The following ARHGDIB variants were observed in gnomAD, a reference collection of about 807,000 sequenced individuals.
ARHGDIB encodes Rho GDP dissociation inhibitor beta.
In ARHGDIB, 20 loss-of-function variants were observed where a neutral mutation model predicts 22.6. That is an observed-to-expected ratio of 0.88 (90% confidence interval 0.62 to 1.28). ARHGDIB has a LOEUF of 1.28. Ranked by LOEUF, ARHGDIB falls within the 50% of genes most tolerant of loss-of-function variation. The pLI, the probability that ARHGDIB is intolerant of heterozygous loss-of-function variation, is 0.00. For synonymous variants in ARHGDIB, 114 were observed against 96.1 expected (o/e 1.19, Z -1.09); for missense variants, 254 against 245.4 (o/e 1.04, Z -0.23).
chr12:14,946,700 CT>C (rs750114646), intron 4 of ARHGDIB, among the ~76,000 whole-genome samples: 20 of 152,340 alleles, frequency 1.3e-4, no homozygotes, highest in Non-Finnish European at 2.6e-4. Flanking sequence ...GGAGAAGCCC[CT>C]GTTCCAGAGC....
At chr12:14,949,574 A>G (rs534184674) in intron 3 of ARHGDIB, among the ~76,000 whole-genome samples, 79 of 152,344 alleles carry the variant, frequency 5.2e-4, no homozygotes, top group African/African-American at 1.9e-3. Context: ...CTGTAAATAT[A>G]TCAAATGTGT....
chr12:14,958,940 C>T (rs1208401082), intron 1 of ARHGDIB, among the ~76,000 whole-genome samples: 1 of 152,104 alleles, frequency 6.6e-6, no homozygotes. Flanking sequence ...TACAGGATCC[C>T]GGGCAGCAAT....
At chr12:14,961,177 T>A (rs1864404111) in intron 1 of ARHGDIB, 1 of 152,332 alleles carries the variant, frequency 6.6e-6, no homozygotes, top group Admixed American at 6.5e-5. Context: ...ATCTACAGTC[T>A]TTTTCTTCCA....
At chr12:14,957,048 G>A (rs543469074) in intron 1 of ARHGDIB, among the ~76,000 whole-genome samples, 1 of 152,282 alleles carries the variant, frequency 6.6e-6, no homozygotes, top group Admixed American at 6.5e-5. Context: ...TAGAACTCCT[G>A]AGTTTAGATT....
chr12:14,958,799 C>T lies in ARHGDIB; in HGVS notation c.-13+2738G>A, dbSNP rs1864352800. ...ATTTTTACCAGCGGTAAAATTCACT[C>T]TTTGGCTGTGGACACCAGAGAGTAA... On this transcript the variant is annotated intron_variant, in intron 1 of 5. Transcript: ENST00000228945. Among the ~76,000 whole-genome samples, 9 of 152,128 alleles carry T rather than the reference C, an allele frequency of 5.9e-5. No homozygotes were observed. In the South Asian group the frequency reaches 1.7e-3, roughly 28 times the overall value.
chr12:14,953,818 G>GCTCTTT (rs796397288), intron 1 of ARHGDIB, among the ~76,000 whole-genome samples: 1 of 146,502 alleles, frequency 6.8e-6, no homozygotes, highest in East Asian at 2.0e-4. Flanking sequence ...GCTTTTGCTT[G>GCTCTTT]CTCTCTCTCT....
chr12:14,961,511 C>T (rs1474736313), intron 1 of ARHGDIB, 26 bp downstream of exon 1: 1 of 152,286 alleles, frequency 6.6e-6, no homozygotes, highest in East Asian at 1.9e-4. Flanking sequence ...CCTGAAGCCT[C>T]CCCAGCCCGA....
intron 1 of ARHGDIB, among the ~76,000 whole-genome samples, chr12:14,960,899 A>G (rs937964422): frequency 6.6e-6 from 1 of 152,194 alleles, no homozygotes; most frequent in African/African-American, 2.4e-5. Flanking sequence ...CTATCACTGT[A>G]TGACTCATGA....
At chr12:14,959,991 C>T (rs1003535481) in intron 1 of ARHGDIB, among the ~76,000 whole-genome samples, 1 of 152,212 alleles carries the variant, frequency 6.6e-6, no homozygotes, top group Non-Finnish European at 1.5e-5. Context: ...TGGCAAGATT[C>T]ACGATGCCTG....
intron 1 of ARHGDIB, among the ~76,000 whole-genome samples, chr12:14,953,883 G>C (rs192901708): frequency 0.016 from 2,306 of 140,592 alleles, 52 homozygotes; most frequent in African/African-American, 0.055. Flanking sequence ...TTCTTTCTTT[G>C]TCTCTCTCTC....
In ARHGDIB at chr12:14,949,885, T is replaced by C; in HGVS notation, c.182A>G (p.Asp61Gly). 1 of 1,612,836 alleles carries C rather than the reference T, an allele frequency of 6.2e-7. No homozygotes were observed. The highest frequency in any genetic ancestry group is 8.5e-7 in the Non-Finnish European group (1 of 1,179,396). ...TLLGDGPVVT[D>G]PKAPNVVVTR... ...GACAACGACATTGGGGGCTTTCGGATCTGCAGGATCGAAAGGGAATGTAAG... is the reference window on the plus strand; with the variant it reads ...GACAACGACATTGGGGGCTTTCGGACCTGCAGGATCGAAAGGGAATGTAAG... The change falls in exon 3 of 6, where the codon GAT becomes GGT. Residue 61 changes from aspartate (D) to glycine (G), a missense_variant and splice_region_variant. By Grantham distance (94) the Asp-to-Gly change is moderately conservative. Transcript: ENST00000228945.
At chr12:14,950,464 T>C (rs1185055647) in intron 2 of ARHGDIB, 68 bp downstream of exon 2, 5 of 1,445,098 alleles carry the variant, frequency 3.5e-6, no homozygotes, top group East Asian at 2.3e-5. Context: ...CTGCTGCTCC[T>C]GAGCAGCCAA....
At chr12:14,956,754 G>A (rs1300002078) in intron 1 of ARHGDIB, among the ~76,000 whole-genome samples, 1 of 152,160 alleles carries the variant, frequency 6.6e-6, no homozygotes, top group East Asian at 1.9e-4. Context: ...CACATTGGAG[G>A]CCTCACATCC....
chr12:14,959,182 G>A (rs1439844547), intron 1 of ARHGDIB, among the ~76,000 whole-genome samples: 1 of 152,168 alleles, frequency 6.6e-6, no homozygotes, highest in African/African-American at 2.4e-5. Context: ...ACTTTGGGAG[G>A]CCAAGGCAGG....
At chr12:14,954,440 T>C in intron 1 of ARHGDIB, among the ~76,000 whole-genome samples, 1 of 152,218 alleles carries the variant, frequency 6.6e-6, no homozygotes, top group East Asian at 1.9e-4. Context: ...CAGGTGCACA[T>C]GGGTGCAGGA....
At chr12:14,947,358 T>C (rs1592287881) in intron 4 of ARHGDIB, among the ~76,000 whole-genome samples, 2 of 152,228 alleles carry the variant, frequency 1.3e-5, no homozygotes, top group Non-Finnish European at 2.9e-5. Flanking sequence ...TTAGCAAAGA[T>C]CACACTTCCT....
chr12:14,953,136 AG>A (rs1262173692), intron 1 of ARHGDIB, among the ~76,000 whole-genome samples: 1 of 152,208 alleles, frequency 6.6e-6, no homozygotes, highest in Non-Finnish European at 1.5e-5. Context: ...CATTGCAAAC[AG>A]ATATAACAAT....
At chr12:14,944,279 C>T (rs989105411) in intron 5 of ARHGDIB, among the ~76,000 whole-genome samples, 1 of 151,686 alleles carries the variant, frequency 6.6e-6, no homozygotes, top group Non-Finnish European at 1.5e-5. Context: ...TTTTTCAATC[C>T]TAGAAAATAT....
intron 1 of ARHGDIB, among the ~76,000 whole-genome samples, chr12:14,952,133 T>C (rs919629022): frequency 6.6e-6 from 1 of 152,198 alleles, no homozygotes; most frequent in Non-Finnish European, 1.5e-5. Flanking sequence ...TGAGTGGTTC[T>C]GCAAACCTTA....
Sources: gnomAD v4.1 joint callset for allele counts (sites outside exome capture counted in the v4.1 genomes callset) on GRCh38, gnomAD v4.1.1 for gene constraint, MANE v1.5 for transcripts, NCBI Gene and HGNC (gene_info 2026-07-23, HGNC 2026-07-21) for gene names.